The following EML4 variants were observed in gnomAD, a reference collection of about 807,000 sequenced individuals.
The protein encoded by EML4 is echinoderm microtubule-associated protein-like 4.
A neutral mutation model predicts 129.0 loss-of-function variants in EML4; 72 were observed. The observed-to-expected ratio is 0.56, with a 90% CI of 0.46 to 0.68. The LOEUF is 0.68. Ranked by LOEUF, EML4 falls within the 30% of genes least tolerant of loss-of-function variation. The pLI is 0.00. For missense variants in EML4, 1,363 were observed against 1,190.6 expected (o/e 1.14, Z -2.13); for synonymous variants, 532 against 405.0 (o/e 1.31, Z -3.77).
rs1404187422 is a variant in EML4 at position 42,181,447 on chromosome 2, C to T, written c.25+11811C>T. ...CTGAGTAGCTGGGTTTACAGGCACA[C>T]GCCACTAACACTTGGCTAATTTTTG... On this transcript the variant is annotated intron_variant, in intron 1 of 22. Transcript: ENST00000318522. Among the ~76,000 whole-genome samples the T allele has an allele frequency of 2.4e-4, 36 of 152,028 alleles. 1 individual carries two copies. Among genetic ancestry groups the T allele is most frequent in the African/African-American group, 1.9e-4 (8 of 41,412 alleles).
At chr2:42,290,584 TAGC>T (rs1041145127) in intron 11 of EML4, among the ~76,000 whole-genome samples, 3 of 130,184 alleles carry the variant, frequency 2.3e-5, no homozygotes, top group East Asian at 4.4e-4. Flanking sequence ...AAAAAAAAAA[TAGC>T]AGGGTATGGT....
chr2:42,202,466 A>G (rs1201109315), intron 1 of EML4, among the ~76,000 whole-genome samples: 1 of 152,184 alleles, frequency 6.6e-6, no homozygotes, highest in East Asian at 1.9e-4. Flanking sequence ...ATACATGTAT[A>G]TATAAAAGGG....
chr2:42,202,893 T>C (rs1672314884), intron 1 of EML4, among the ~76,000 whole-genome samples: 2 of 151,946 alleles, frequency 1.3e-5, no homozygotes. Flanking sequence ...CCTGGTGGGG[T>C]GGTGTATGCC....
intron 1 of EML4, among the ~76,000 whole-genome samples, chr2:42,240,147 A>G (rs1318206028): frequency 6.6e-6 from 1 of 152,126 alleles, no homozygotes; most frequent in Non-Finnish European, 1.5e-5. Flanking sequence ...AGTTATTTGC[A>G]TTCTCCTTTG....
chr2:42,208,563 A>C (rs1413334882), intron 1 of EML4, among the ~76,000 whole-genome samples: 2 of 151,018 alleles, frequency 1.3e-5, no homozygotes, highest in Admixed American at 6.6e-5. Flanking sequence ...GCCTCCAAGT[A>C]GCTGAGATTA....
chr2:42,231,901 A>T (rs1465962954), intron 1 of EML4, among the ~76,000 whole-genome samples: 6 of 152,102 alleles, frequency 3.9e-5, no homozygotes, highest in African/African-American at 1.4e-4. Context: ...GTGAGCCAAG[A>T]TCAAGCCACT....
chr2:42,280,429 C>A lies in EML4; in HGVS notation c.668-421C>A, dbSNP rs937209378. Reference sequence around the variant, plus strand: ...CCCTCTGTATCCATGGGTTCTACATCCACAGATTCAGCCAACCATGGGTTG... The same window carrying A: ...CCCTCTGTATCCATGGGTTCTACATACACAGATTCAGCCAACCATGGGTTG... On this transcript the variant is annotated intron_variant, in intron 6 of 22. Coordinates refer to ENST00000318522, the MANE Select transcript of EML4 (RefSeq NM_019063.5). Among the ~76,000 whole-genome samples the A allele has an allele frequency of 9.5e-4, 145 of 152,288 alleles. 1 individual carries two copies. The highest frequency in any genetic ancestry group is 3.3e-3 in the African/African-American group (139 of 41,560).
intron 1 of EML4, among the ~76,000 whole-genome samples, chr2:42,177,391 CG>C (rs1184270464): frequency 2.0e-5 from 3 of 151,820 alleles, no homozygotes; most frequent in Admixed American, 1.3e-4. Context: ...GAGGCTGAGG[CG>C]GGCGGCTCAC....
At position 42,288,340 on chromosome 2, in the gene EML4, C is replaced by A; in HGVS notation, c.1218+18C>A. ...AAATAAAGGTAAATTTTTAAAAAACCGAGTATTGTGTTTTAGAGTACGTTA... is the reference window on the plus strand; with the variant it reads ...AAATAAAGGTAAATTTTTAAAAAACAGAGTATTGTGTTTTAGAGTACGTTA... On this transcript the variant is annotated intron_variant, in intron 11 of 22. Transcript: ENST00000318522. The A allele has an allele frequency of 7.8e-7, 1 of 1,281,132 alleles. No individual in the cohort carries two copies. Among genetic ancestry groups the A allele is most frequent in the Non-Finnish European group, 1.1e-6 (1 of 889,692 alleles). The allele number at this position is 1,281,132 out of a possible 1,614,324, so 79.4% of individuals were successfully genotyped here.
chr2:42,218,479 C>T (rs1673346004), intron 1 of EML4, among the ~76,000 whole-genome samples: 1 of 152,150 alleles, frequency 6.6e-6, no homozygotes, highest in African/African-American at 2.4e-5. Context: ...TTGCCTTCCA[C>T]GAAACCTGTC....
At chr2:42,251,035 G>A (rs1032241938) in intron 2 of EML4, among the ~76,000 whole-genome samples, 4 of 152,154 alleles carry the variant, frequency 2.6e-5, no homozygotes, top group Non-Finnish European at 5.9e-5. Flanking sequence ...CTGACAGGAG[G>A]CTGAGCTCAG....
At chr2:42,235,071 G>A (rs941441967) in intron 1 of EML4, among the ~76,000 whole-genome samples, 1 of 152,152 alleles carries the variant, frequency 6.6e-6, no homozygotes, top group Admixed American at 6.5e-5. Flanking sequence ...TGAGGTGGGT[G>A]TATCACCTGA....
intron 1 of EML4, among the ~76,000 whole-genome samples, chr2:42,214,352 T>C (rs1673055163): frequency 6.6e-6 from 1 of 152,244 alleles, no homozygotes; most frequent in Non-Finnish European, 1.5e-5. Flanking sequence ...GTTTGTATAT[T>C]TGAATAGGCT....
chr2:42,292,556 C>T (rs185793268), intron 11 of EML4, among the ~76,000 whole-genome samples: 53 of 152,056 alleles, frequency 3.5e-4, no homozygotes, highest in Non-Finnish European at 6.0e-4. Flanking sequence ...TTGAATGAAA[C>T]GGAGAAAAAT....
intron 14 of EML4, among the ~76,000 whole-genome samples, chr2:42,301,682 T>C (rs1014971113): frequency 2.6e-5 from 4 of 152,132 alleles, no homozygotes; most frequent in Non-Finnish European, 5.9e-5. Flanking sequence ...TGGTGATTTA[T>C]ATTTTGGATT....
chr2:42,299,993 A>G (rs1001979675), intron 13 of EML4, among the ~76,000 whole-genome samples: 1 of 152,174 alleles, frequency 6.6e-6, no homozygotes, highest in Non-Finnish European at 1.5e-5. Context: ...GCCTTCACTT[A>G]GCATTATGTT....
At chr2:42,306,914 T>C (rs1389305684) in intron 17 of EML4, among the ~76,000 whole-genome samples, 1 of 152,182 alleles carries the variant, frequency 6.6e-6, no homozygotes, top group Non-Finnish European at 1.5e-5. Context: ...GTGATTGAGC[T>C]CAGGTTCTGC....
At chr2:42,237,809 C>G (rs1249749627) in intron 1 of EML4, among the ~76,000 whole-genome samples, 2 of 152,172 alleles carry the variant, frequency 1.3e-5, no homozygotes, top group East Asian at 3.8e-4. Context: ...ATAAGACCTT[C>G]CTCTTCGTCA....
chr2:42,317,722 G>A (rs769659406), intron 19 of EML4, among the ~76,000 whole-genome samples, 198 bp downstream of exon 19: 1 of 152,166 alleles, frequency 6.6e-6, no homozygotes, highest in Non-Finnish European at 1.5e-5. Context: ...TCCTTTTGAT[G>A]GGGGTGTAAT....
Sources: allele counts gnomAD v4.1 joint callset (sites outside exome capture counted in the v4.1 genomes callset), GRCh38; gene constraint gnomAD v4.1.1; transcripts MANE v1.5; gene names NCBI Gene and HGNC (gene_info 2026-07-23, HGNC 2026-07-21).